The following C2orf49 variants were observed in gnomAD, a reference collection of about 807,000 sequenced individuals.
C2orf49 encodes tRNA splicing ligase complex subunit 2.
Under a neutral mutation model 20.6 loss-of-function variants are expected in C2orf49, and 11 were observed. The ratio of observed to expected loss-of-function variants is 0.53; its 90% confidence interval spans 0.34 to 0.88. The LOEUF (loss-of-function observed/expected upper bound fraction) is 0.88, where lower values mean the gene tolerates loss of function less well. Ranked by LOEUF, C2orf49 falls within the 40% of genes least tolerant of loss-of-function variation. The pLI is 0.02. For missense variants in C2orf49, 289 were observed against 274.2 expected, an observed-to-expected ratio of 1.05 and a Z score of -0.38; for synonymous variants, 134 against 108.5, an observed-to-expected ratio of 1.24 and a Z score of -1.46.
intron 2 of C2orf49, among the ~76,000 whole-genome samples, chr2:105,341,699 A>G (rs186965846): frequency 6.6e-6 from 1 of 152,282 alleles, no homozygotes; most frequent in African/African-American, 2.4e-5. Context: ...ATCTGGTTAA[A>G]AGGTGAGTTC....
chr2:105,344,483 A>T (rs1012525284), intron 3 of C2orf49, among the ~76,000 whole-genome samples: 4 of 152,102 alleles, frequency 2.6e-5, no homozygotes, highest in African/African-American at 9.7e-5. Flanking sequence ...AGAGAGCTAT[A>T]TGTGAAACAC....
the C2orf49 span, among the ~76,000 whole-genome samples, chr2:105,370,494 C>A: frequency 6.6e-6 from 1 of 151,970 alleles, no homozygotes; most frequent in East Asian, 1.9e-4. Flanking sequence ...CTAATAGGGG[C>A]GCGAGAGCCG....
At chr2:105,358,103 C>G in the C2orf49 span, 1 of 152,210 alleles carries the variant, frequency 6.6e-6, no homozygotes, top group African/African-American at 2.4e-5. Flanking sequence ...TCTGGCTGGT[C>G]TGTCATTTTG....
chr2:105,345,217 AATAC>A, intron 3 of C2orf49, 94 bp from the exon 4 acceptor site: 1 of 1,040,274 alleles, frequency 9.6e-7, no homozygotes, highest in Non-Finnish European at 1.4e-6. Flanking sequence ...ATCTTCCATT[AATAC>A]ATTAATAGTA....
the C2orf49 span, chr2:105,373,793 C>T: frequency 6.4e-7 from 1 of 1,573,772 alleles, no homozygotes. Flanking sequence ...GGACCCACAG[C>T]ATAGGGGCCC....
At position 105,342,971 on chromosome 2, in the gene C2orf49, G is replaced by T. The variant is rs780814726; in HGVS notation, c.390G>T (p.Pro130=). The change falls in exon 3 of 4, where the codon CCG becomes CCT. Residue 130 remains proline (P), a synonymous_variant. Transcript: ENST00000258457. ...ATAATGATCGACTGAAGCCTCCCCC[G>T]CAGGCAAGCTTTACCAGTAATGCCT... ...NGDNDRLKPP[P]QASFTSNAFR... 30 of 1,614,060 alleles carry T rather than the reference G, an allele frequency of 1.9e-5. No individual in the cohort carries two copies. The highest frequency in any genetic ancestry group is 3.3e-5 in the South Asian group (3 of 91,092).
the C2orf49 span, chr2:105,376,095 C>T: frequency 1.3e-5 from 2 of 152,206 alleles, no homozygotes; most frequent in Admixed American, 6.5e-5. Flanking sequence ...ACATCTGAAA[C>T]ACTAGTGATG....
the C2orf49 span, among the ~76,000 whole-genome samples, chr2:105,361,646 A>G: frequency 1.3e-5 from 2 of 152,174 alleles, no homozygotes; most frequent in African/African-American, 4.8e-5. Context: ...AGATATATAA[A>G]CTGGTTCCAA....
the C2orf49 span, among the ~76,000 whole-genome samples, chr2:105,373,193 T>TAAC: frequency 6.6e-6 from 1 of 152,152 alleles, no homozygotes; most frequent in African/African-American, 2.4e-5. Flanking sequence ...CTTGGTGAAA[T>TAAC]AACTGAATGA....
the C2orf49 span, among the ~76,000 whole-genome samples, chr2:105,356,755 T>C: frequency 0.73 from 110,483 of 152,024 alleles, 40,391 homozygotes; most frequent in East Asian, 0.82. Context: ...AAGTCTTAAT[T>C]ATATAGCTAT....
At chr2:105,343,347 T>A in intron 3 of C2orf49, 124 bp downstream of exon 3, 2 of 877,594 alleles carry the variant, frequency 2.3e-6, no homozygotes, top group Admixed American at 2.9e-5. Flanking sequence ...ATGGTCTGTC[T>A]GATTTGTATA....
At chr2:105,342,010 T>C (rs540151770) in intron 2 of C2orf49, among the ~76,000 whole-genome samples, 1 of 152,222 alleles carries the variant, frequency 6.6e-6, no homozygotes, top group African/African-American at 2.4e-5. Context: ...CCGTCTCTAC[T>C]AAAAATACAA....
rs552433742 is a variant in C2orf49, at chr2:105,340,148, C to T, written c.266+399C>T. The stretch of plus-strand genomic sequence containing the variant: ...TGTGCCCATCATATACCAGGAACAA[C>T]AAAGCAGCTATCAGGGCTGGATGGA... On this transcript the variant is annotated intron_variant, in intron 2 of 3. Coordinates refer to ENST00000258457, the MANE Select transcript of C2orf49 (RefSeq NM_024093.3). Among the ~76,000 whole-genome samples, 38 of 152,274 alleles carry T rather than the reference C, an allele frequency of 2.5e-4. No individual in the cohort carries two copies. In the East Asian group the frequency reaches 7.3e-3, roughly 29 times the overall value.
chr2:105,346,558 T>A lies in C2orf49; in HGVS notation c.*1187T>A, dbSNP rs1319759256. On this transcript the variant is annotated 3_prime_UTR_variant, in exon 4 of 4. Transcript: ENST00000258457. ...AGGTGGTATTCGATGGAAGAAAGTT[T>A]AGAGAGTTAGGAGTGGGGGTAGAAT... is the stretch of plus-strand genomic sequence containing the variant. 6.6e-6 allele frequency: 1 copy of A among 152,204 alleles called. No homozygotes were observed. The highest frequency in any genetic ancestry group is 2.4e-5 in the African/African-American group (1 of 41,434). 9.4% of individuals were successfully genotyped at this position (152,204 alleles called of 1,614,324 possible). A position where few individuals can be genotyped will look rare whatever the true frequency, so the allele number is the denominator to read the frequency against.
the C2orf49 span, among the ~76,000 whole-genome samples, chr2:105,366,332 T>C: frequency 6.6e-6 from 1 of 152,114 alleles, no homozygotes; most frequent in South Asian, 2.1e-4. Flanking sequence ...CAGGTACAGG[T>C]AGCAGCATTG....
chr2:105,384,988 G>A, the C2orf49 span, among the ~76,000 whole-genome samples: 2 of 152,244 alleles, frequency 1.3e-5, no homozygotes, highest in Non-Finnish European at 2.9e-5. Flanking sequence ...CAGGTGCAGT[G>A]AGACACGCAG....
At chr2:105,340,448 T>C (rs1163061406) in intron 2 of C2orf49, among the ~76,000 whole-genome samples, 1 of 152,092 alleles carries the variant, frequency 6.6e-6, no homozygotes, top group Non-Finnish European at 1.5e-5. Flanking sequence ...ATCCAGGCAA[T>C]AGATGGCAGC....
the C2orf49 span, among the ~76,000 whole-genome samples, chr2:105,374,783 C>T: frequency 6.6e-6 from 1 of 152,194 alleles, no homozygotes; most frequent in African/African-American, 2.4e-5. Context: ...TTATGCCCAG[C>T]TTTATCTTAG....
At chr2:105,367,517 C>A in the C2orf49 span, 17 of 1,546,624 alleles carry the variant, frequency 1.1e-5, no homozygotes, top group Admixed American at 2.2e-4. Flanking sequence ...AGACATGGAC[C>A]ATGGAGGCAA....
Sources: gnomAD v4.1 joint callset for allele counts (sites outside exome capture counted in the v4.1 genomes callset) on GRCh38, gnomAD v4.1.1 for gene constraint, MANE v1.5 for transcripts, NCBI Gene and HGNC (gene_info 2026-07-23, HGNC 2026-07-21) for gene names.